The following GNA12 variants were observed in gnomAD, a reference collection of about 807,000 sequenced individuals.
GNA12 encodes G protein subunit alpha 12.
GNA12 carries 9 observed loss-of-function variants against 26.0 expected under a neutral mutation model. The ratio of observed to expected loss-of-function variants is 0.35; its 90% CI spans 0.21 to 0.60. The LOEUF (loss-of-function observed/expected upper bound fraction) is 0.60. Among genes scored for constraint, GNA12 ranks in the 20% least tolerant of loss-of-function variants. The probability of loss-of-function intolerance (pLI) is 0.78; values close to 1 mark genes in which losing one functional copy is unlikely to be tolerated. For synonymous variants in GNA12, 264 were observed against 219.6 expected, an observed-to-expected ratio of 1.20 and a Z score of -1.79; for missense variants, 405 against 525.8, an observed-to-expected ratio of 0.77 and a Z score of 2.25.
intron 1 of GNA12, among the ~76,000 whole-genome samples, chr7:2,816,377 C>T (rs1290495230): frequency 1.3e-5 from 2 of 152,038 alleles, no homozygotes; most frequent in Non-Finnish European, 2.9e-5. Flanking sequence ...ATTACAGGTG[C>T]CTGCCACTAT....
intron 2 of GNA12, among the ~76,000 whole-genome samples, chr7:2,765,662 ACT>A (rs1791778461): frequency 6.9e-6 from 1 of 145,798 alleles, no homozygotes. Flanking sequence ...ACAGAGTCTC[ACT>A]CTGTCACCCA....
chr7:2,763,901 C>G (rs748284081), intron 2 of GNA12, among the ~76,000 whole-genome samples: 2 of 152,228 alleles, frequency 1.3e-5, no homozygotes, highest in African/African-American at 2.4e-5. Flanking sequence ...CTCAGCTGAG[C>G]TGTTGCTTTA....
At chr7:2,773,397 T>C (rs1257225869) in intron 2 of GNA12, among the ~76,000 whole-genome samples, 2 of 152,158 alleles carry the variant, frequency 1.3e-5, no homozygotes, top group Non-Finnish European at 2.9e-5. Flanking sequence ...ACCCCTTCTC[T>C]ACTAAAATAC....
intron 2 of GNA12, among the ~76,000 whole-genome samples, chr7:2,750,945 G>A (rs1791005317): frequency 6.6e-6 from 1 of 152,174 alleles, no homozygotes; most frequent in Non-Finnish European, 1.5e-5. Context: ...GCACACTCCA[G>A]GAGTGGTACC....
At chr7:2,776,486 T>C (rs552333535) in intron 2 of GNA12, among the ~76,000 whole-genome samples, 56 of 152,278 alleles carry the variant, frequency 3.7e-4, no homozygotes, top group Admixed American at 1.4e-3. Flanking sequence ...AAACCCTGGC[T>C]AAGACAGGGG....
At chr7:2,770,797 A>G (rs186567305) in intron 2 of GNA12, among the ~76,000 whole-genome samples, 8 of 152,348 alleles carry the variant, frequency 5.3e-5, no homozygotes, top group Admixed American at 4.6e-4. Flanking sequence ...ATTACAAATC[A>G]GAGTTACTGA....
intron 2 of GNA12, among the ~76,000 whole-genome samples, chr7:2,774,528 C>T (rs991074934): frequency 1.3e-5 from 2 of 152,110 alleles, no homozygotes; most frequent in African/African-American, 4.8e-5. Context: ...AAGGCCAGTG[C>T]GCCTGCAGCA....
chr7:2,797,285 C>G (rs1792700512), intron 1 of GNA12, among the ~76,000 whole-genome samples: 1 of 152,148 alleles, frequency 6.6e-6, no homozygotes, highest in East Asian at 1.9e-4. Context: ...GCTGGGACCA[C>G]AGGCATGCCT....
At chr7:2,812,119 CA>C (rs1328238933) in intron 1 of GNA12, among the ~76,000 whole-genome samples, 2 of 152,216 alleles carry the variant, frequency 1.3e-5, no homozygotes, top group Non-Finnish European at 2.9e-5. Context: ...AACTCCTCAC[CA>C]AAAACCTTAA....
chr7:2,729,372 T>C lies in GNA12; in HGVS notation c.*1809A>G, dbSNP rs964733242. 6.6e-6 allele frequency: 1 copy of C among 152,272 alleles called. No homozygotes were observed. The highest frequency in any genetic ancestry group is 2.4e-5 in the African/African-American group (1 of 41,424). 9.4% of individuals were successfully genotyped at this position (152,272 alleles called of 1,614,324 possible). A position where few individuals can be genotyped will look rare whatever the true frequency, so the allele number is the denominator to read the frequency against. On this transcript the variant is annotated 3_prime_UTR_variant, in exon 4 of 4. Coordinates refer to ENST00000275364, the MANE Select transcript of GNA12 (RefSeq NM_007353.3). ...TTTAAAACGTGGTCATCGGCACTCATCTCCGGTCACATCCGTGAGGTCTGT... is the reference window on the plus strand; with the variant it reads ...TTTAAAACGTGGTCATCGGCACTCACCTCCGGTCACATCCGTGAGGTCTGT...
At chr7:2,732,344 C>G (rs1238507616) in intron 3 of GNA12, among the ~76,000 whole-genome samples, 1 of 152,108 alleles carries the variant, frequency 6.6e-6, no homozygotes, top group Non-Finnish European at 1.5e-5. Flanking sequence ...CCCAGAAGTT[C>G]AAGAACAGCC....
At chr7:2,762,526 G>A in intron 2 of GNA12, 1 of 1,142,154 alleles carries the variant, frequency 8.8e-7, no homozygotes, top group South Asian at 1.8e-5. Flanking sequence ...TACAAAAGCA[G>A]TTCCACCACG....
chr7:2,745,408 C>A (rs1465662938), intron 2 of GNA12, among the ~76,000 whole-genome samples: 2 of 152,202 alleles, frequency 1.3e-5, no homozygotes, highest in Non-Finnish European at 2.9e-5. Context: ...AATTTCATAT[C>A]CAGCCAAACT....
chr7:2,814,233 G>A (rs2115486621), intron 1 of GNA12: 1 of 799,792 alleles, frequency 1.3e-6, no homozygotes, highest in Non-Finnish European at 2.3e-6. Context: ...TATGTATCCT[G>A]TTGGCTGTGC....
At chr7:2,770,028 T>C (rs958268193) in intron 2 of GNA12, among the ~76,000 whole-genome samples, 12 of 152,208 alleles carry the variant, frequency 7.9e-5, no homozygotes, top group African/African-American at 2.7e-4. Context: ...TACAATAAAA[T>C]AGATCATAGT....
At chr7:2,769,913 T>C (rs1791906040) in intron 2 of GNA12, among the ~76,000 whole-genome samples, 1 of 152,218 alleles carries the variant, frequency 6.6e-6, no homozygotes, top group Non-Finnish European at 1.5e-5. Flanking sequence ...AAAAGTGATA[T>C]GTCATTACAT....
At chr7:2,796,156 A>G (rs934791579) in intron 1 of GNA12, among the ~76,000 whole-genome samples, 1 of 152,172 alleles carries the variant, frequency 6.6e-6, no homozygotes. Context: ...AACAACAACT[A>G]TAGTAGCCTC....
Position 2,731,385 on chromosome 7 carries a change from G to C in GNA12, c.942C>G (p.Phe314Leu). 1 of 1,613,580 alleles carries C rather than the reference G, an allele frequency of 6.2e-7. No individual in the cohort carries two copies. The highest frequency in any genetic ancestry group is 1.1e-5 in the South Asian group (1 of 91,046). ...TGTGCGGGTCGCCCCTGAAGTCCGG[G>C]AAGTGCTTCTTGATGCTCACGGTCT... is the stretch of plus-strand genomic sequence containing the variant. The part of the protein sequence containing the change: ...KVKTVSIKKH[F>L]PDFRGDPHRL... Residue 314 changes from phenylalanine (F) to leucine (L), a missense_variant, in exon 4 of 4, where the codon TTC becomes TTG. By Grantham distance (22) the Phe-to-Leu change is conservative. Coordinates refer to ENST00000275364, the MANE Select transcript of GNA12 (RefSeq NM_007353.3). This position sits in a 1 kb window ranked among gnomAD's most constrained non-coding sequence, Gnocchi z 6.0.
chr7:2,805,772 G>T (rs969607648), intron 1 of GNA12, among the ~76,000 whole-genome samples: 10 of 152,202 alleles, frequency 6.6e-5, no homozygotes. Context: ...GACATTTTGT[G>T]CATTCAGACA....
Sources: allele counts gnomAD v4.1 joint callset (sites outside exome capture counted in the v4.1 genomes callset), GRCh38; gene constraint gnomAD v4.1.1; non-coding constraint Gnocchi (gnomAD v3.1); transcripts MANE v1.5; gene names NCBI Gene and HGNC (gene_info 2026-07-23, HGNC 2026-07-21).